Variants in LY9 observed in about 807,000 individuals in gnomAD.
The protein encoded by LY9 is lymphocyte antigen 9, also known as T-lymphocyte surface antigen Ly-9.
A neutral mutation model predicts 64.6 loss-of-function variants in LY9; 59 were observed. The observed-to-expected ratio is 0.91, with a 90% CI of 0.74 to 1.13. The LOEUF is 1.13. LY9 is among the 50% of genes most tolerant of loss of function. The pLI is 0.00. For synonymous variants in LY9, 281 were observed against 308.5 expected, an observed-to-expected ratio of 0.91 and a Z score of 0.93; for missense variants, 789 against 797.2, an observed-to-expected ratio of 0.99 and a Z score of 0.12.
chr1:160,817,521 G>A (rs2101812097), intron 5 of LY9, among the ~76,000 whole-genome samples: 1 of 152,308 alleles, frequency 6.6e-6, no homozygotes, highest in Admixed American at 6.5e-5. Flanking sequence ...AAAGGGATGT[G>A]GACCACACAG....
At chr1:160,821,277 C>T (rs1668429251) in intron 7 of LY9, among the ~76,000 whole-genome samples, 1 of 151,954 alleles carries the variant, frequency 6.6e-6, no homozygotes. Context: ...TTTCTACAGA[C>T]CTGAATCCTT....
At chr1:160,806,412 C>T (rs1489874399) in intron 2 of LY9, among the ~76,000 whole-genome samples, 1 of 152,126 alleles carries the variant, frequency 6.6e-6, no homozygotes, top group African/African-American at 2.4e-5. Flanking sequence ...TTTAGGATTC[C>T]CTTGAGCATT....
rs529628356 is a variant in LY9 at position 160,802,824 on chromosome 1, T to G, written c.454+2742T>G. On this transcript the variant is annotated intron_variant, in intron 2 of 9. Coordinates refer to ENST00000263285, the MANE Select transcript of LY9 (RefSeq NM_002348.4). ...TTTATTTCTGTGTTCTCTATTCTGT[T>G]CCATTGGTCTATGTGTCTATTTTTA... 4.3e-5 allele frequency: 11 copies of G among 257,274 alleles called. No individual in the cohort carries two copies. The Admixed American group carries it at 7.1e-4, about 17-fold the overall frequency. The allele number at this position is 257,274 out of a possible 1,614,324, so 15.9% of individuals were successfully genotyped here. A position where few individuals can be genotyped will look rare whatever the true frequency, so the allele number is the denominator to read the frequency against.
At chr1:160,808,851 CT>C (rs1386412408) in intron 2 of LY9, among the ~76,000 whole-genome samples, 4 of 152,156 alleles carry the variant, frequency 2.6e-5, no homozygotes, top group Non-Finnish European at 4.4e-5. Context: ...AACAGACATT[CT>C]TTTTCTCCAG....
rs1415315443 is a variant in LY9, at chr1:160,814,784, C to T, written c.1072+23C>T. On this transcript the variant is annotated intron_variant, in intron 4 of 9. Coordinates refer to ENST00000263285, the MANE Select transcript of LY9 (RefSeq NM_002348.4). ...ACCGTGAGTCTCTGGGCAGGGCACC[C>T]ATCACCAGATTCCTTCTCTGAAAGC... 12 of 1,583,426 alleles carry T rather than the reference C, an allele frequency of 7.6e-6. No homozygotes were observed. The Admixed American group carries it at 8.8e-5, about 12-fold the overall frequency.
rs140351710 is a variant in LY9 at position 160,797,545 on chromosome 1, C to T, written c.124+1234C>T. On this transcript the variant is annotated intron_variant, in intron 1 of 9. Transcript: ENST00000263285. Reference sequence around the variant, plus strand: ...AAGCTACATTCAAGGTCATCCAAGCCGCAAATGATCAATGCAGTGAATTTC... The same window carrying T: ...AAGCTACATTCAAGGTCATCCAAGCTGCAAATGATCAATGCAGTGAATTTC... Among the ~76,000 whole-genome samples, 11 of 152,224 alleles carry T rather than the reference C, an allele frequency of 7.2e-5. No homozygotes were observed. The South Asian group carries it at 8.3e-4, about 11-fold the overall frequency.
In LY9 at chr1:160,824,258, A is replaced by T. The variant is rs769902324; in HGVS notation, c.1899+9A>T. 6.2e-7 allele frequency: 1 copy of T among 1,614,072 alleles called. No homozygotes were observed. The highest frequency in any genetic ancestry group is 8.5e-7 in the Non-Finnish European group (1 of 1,179,974). ...CCATACGGAAACCTCAGGTGGTGAG[A>T]ACTACATTCTCTGTATCCCAAGGCC... is the stretch of plus-strand genomic sequence containing the variant. On this transcript the variant is annotated intron_variant, in intron 9 of 9. Coordinates refer to ENST00000263285, the MANE Select transcript of LY9 (RefSeq NM_002348.4).
chr1:160,827,945 G>T lies in LY9; in HGVS notation c.*129G>T. 1.5e-6 allele frequency: 1 copy of T among 680,040 alleles called. No individual in the cohort carries two copies. Among genetic ancestry groups the T allele is most frequent in the East Asian group, 2.7e-5 (1 of 37,100 alleles). 42.1% of individuals were successfully genotyped at this position (680,040 alleles called of 1,614,324 possible). A position where few individuals can be genotyped will look rare whatever the true frequency, so the allele number is the denominator to read the frequency against. ...TTCAGTGCCTCAGAGATGCCTGGAT[G>T]TGGCCCCTCCCCCTCCTTCTCACCC... On this transcript the variant is annotated 3_prime_UTR_variant, in exon 10 of 10. Coordinates refer to ENST00000263285, the MANE Select transcript of LY9 (RefSeq NM_002348.4).
Position 160,800,020 on chromosome 1 carries a change from C to T in LY9, c.392C>T (p.Ala131Val). 1.2e-6 allele frequency: 2 copies of T among 1,614,146 alleles called. No individual in the cohort carries two copies. Among genetic ancestry groups the T allele is most frequent in the Non-Finnish European group, 1.7e-6 (2 of 1,180,010 alleles). The change falls in exon 2 of 10, where the codon GCC becomes GTC. Residue 131 changes from alanine (A) to valine (V), a missense_variant. Transcript: ENST00000263285. ...LTLNDAGSYKAQINQRNFEVT... is the reference protein window; with the variant it reads ...LTLNDAGSYKVQINQRNFEVT... ...CTGAATGATGCAGGATCCTACAAAG[C>T]CCAGATAAACCAAAGGAATTTTGAA...
intron 2 of LY9, among the ~76,000 whole-genome samples, chr1:160,807,411 G>C (rs981826741): frequency 6.6e-6 from 1 of 152,196 alleles, no homozygotes; most frequent in Non-Finnish European, 1.5e-5. Context: ...TTGCGCTGAG[G>C]ATTGAAATGT....
chr1:160,802,570 C>A, intron 2 of LY9: 1 of 985,570 alleles, frequency 1.0e-6, no homozygotes, highest in Non-Finnish European at 1.2e-6. Flanking sequence ...AATTGCTGCT[C>A]AGATTTTTAA....
intron 2 of LY9, among the ~76,000 whole-genome samples, chr1:160,805,739 T>TATATG: frequency 8.9e-6 from 1 of 111,952 alleles, no homozygotes; most frequent in South Asian, 3.0e-4. Flanking sequence ...TCTCTCTCTG[T>TATATG]CTCACACACA....
chr1:160,823,964 T>G (rs1390211985), intron 8 of LY9, among the ~76,000 whole-genome samples, 168 bp downstream of exon 8: 1 of 152,182 alleles, frequency 6.6e-6, no homozygotes, highest in African/African-American at 2.4e-5. Context: ...CTTGGGATCC[T>G]GTGGAACGAG....
At chr1:160,802,241 A>G in intron 2 of LY9, 1 of 1,064,402 alleles carries the variant, frequency 9.4e-7, no homozygotes, top group Non-Finnish European at 1.1e-6. Flanking sequence ...CATTGCTGGT[A>G]GAGACTCCCA....
chr1:160,826,153 A>G (rs1250576883), intron 9 of LY9, among the ~76,000 whole-genome samples: 2 of 152,262 alleles, frequency 1.3e-5, no homozygotes, highest in Admixed American at 6.5e-5. Flanking sequence ...GAGAAAAGAA[A>G]TTATTAAGAA....
intron 7 of LY9, among the ~76,000 whole-genome samples, chr1:160,820,460 G>A (rs1245313812): frequency 2.6e-5 from 4 of 152,200 alleles, no homozygotes; most frequent in African/African-American, 7.2e-5. Context: ...CACCCCTCAT[G>A]GCAGGGATTC....
At chr1:160,808,314 T>G (rs1369701027) in intron 2 of LY9, among the ~76,000 whole-genome samples, 1 of 152,150 alleles carries the variant, frequency 6.6e-6, no homozygotes, top group African/African-American at 2.4e-5. Context: ...GCAACAGTTT[T>G]AGTTTTCCTA....
chr1:160,816,732 T>C lies in LY9; in HGVS notation c.1211T>C (p.Val404Ala). 2 of 1,614,232 alleles carry C rather than the reference T, an allele frequency of 1.2e-6. No individual in the cohort carries two copies. Among genetic ancestry groups the C allele is most frequent in the Non-Finnish European group, 1.7e-6 (2 of 1,180,048 alleles). ...YTWTPLQKEA[V>A]VSQGESHLNV... ...TGGACCCCGCTGCAGAAGGAAGCTG[T>C]TGTGTCCCAAGGGGAATCACACCTC... Residue 404 changes from valine (V) to alanine (A), a missense_variant, in exon 5 of 10, where the codon GTT becomes GCT. By Grantham distance (64) the Val-to-Ala change is moderately conservative. Transcript: ENST00000263285.
chr1:160,803,555 C>T lies in LY9; in HGVS notation c.454+3473C>T, dbSNP rs1006199707. The stretch of plus-strand genomic sequence containing the variant: ...AGGGTTTTTTAATAGCTATTATAAA[C>T]CGGATTCACTTCTTTATTTCTTTCT... On this transcript the variant is annotated intron_variant, in intron 2 of 9. Transcript: ENST00000263285. Among the ~76,000 whole-genome samples the T allele has an allele frequency of 9.2e-5, 14 of 152,122 alleles. No homozygotes were observed. In the East Asian group the frequency reaches 1.2e-3, roughly 13 times the overall value.
Sources: gnomAD v4.1 joint callset for allele counts (sites outside exome capture counted in the v4.1 genomes callset) on GRCh38, gnomAD v4.1.1 for gene constraint, MANE v1.5 for transcripts, NCBI Gene and HGNC (gene_info 2026-07-23, HGNC 2026-07-21) for gene names.